MCRIP2: variants seen among roughly 807,000 people sequenced by gnomAD.
MCRIP2 encodes MAPK regulated corepressor interacting protein 2.
In MCRIP2, 21 loss-of-function variants were observed where a neutral mutation model predicts 23.2. That is an observed-to-expected ratio of 0.90 (90% confidence interval 0.64 to 1.30). The LOEUF (loss-of-function observed/expected upper bound fraction) is 1.30, where lower values mean the gene tolerates loss of function less well. Ranked by LOEUF, MCRIP2 falls within the 50% of genes most tolerant of loss-of-function variation. The probability of loss-of-function intolerance (pLI) is 0.00; values close to 1 mark genes in which losing one functional copy is unlikely to be tolerated. For synonymous variants in MCRIP2, 121 were observed against 100.2 expected, an observed-to-expected ratio of 1.21 and a Z score of -1.24; for missense variants, 234 against 223.2, an observed-to-expected ratio of 1.05 and a Z score of -0.31.
chr16:647,270 T>C (rs2037506950), intron 2 of MCRIP2, 147 bp from the exon 3 acceptor site: 16 of 1,119,910 alleles, frequency 1.4e-5, no homozygotes, highest in Non-Finnish European at 1.9e-5. Flanking sequence ...CCGGCTGCTG[T>C]GGGTGGCTGC....
In MCRIP2 at chr16:642,035, G is replaced by GCCGCA; in HGVS notation, c.46_50dup (p.Gly18AlafsTer17). The GCCGCA allele has an allele frequency of 7.6e-7, 1 of 1,322,884 alleles. No homozygotes were observed. The highest frequency in any genetic ancestry group is 9.6e-7 in the Non-Finnish European group (1 of 1,039,300). The allele number at this position is 1,322,884 out of a possible 1,614,324, so 81.9% of individuals were successfully genotyped here. On this transcript the variant is annotated frameshift_variant, in exon 1 of 5. Coordinates refer to ENST00000307650, the MANE Select transcript of MCRIP2 (RefSeq NM_138418.4). LOFTEE classifies it high-confidence loss of function. ...GGGCCCAGCAAGCTGGTCGCGCAGC[G>GCCGCA]CCGCACAGGTGCGCACGGGCCGGGG...
chr16:647,229 G>A (rs1337930916), intron 2 of MCRIP2, 188 bp from the exon 3 acceptor site: 2 of 681,846 alleles, frequency 2.9e-6, no homozygotes, highest in Admixed American at 5.6e-5. Flanking sequence ...AGCTGCCGAT[G>A]GCTTGGGGAC....
At chr16:644,292 G>C (rs1483950008) in intron 2 of MCRIP2, among the ~76,000 whole-genome samples, 1 of 151,914 alleles carries the variant, frequency 6.6e-6, no homozygotes, top group Non-Finnish European at 1.5e-5. Flanking sequence ...TGTTGGTCAG[G>C]CTGGTCTCAA....
chr16:648,400 T>G lies in MCRIP2; in HGVS notation c.*210T>G, dbSNP rs45598439. ...CCCGTCTGACCTCAGCCCTGCTCAC[T>G]GTGCCCAGGGACCAGCGACCAGCCC... On this transcript the variant is annotated 3_prime_UTR_variant, in exon 5 of 5. Coordinates refer to ENST00000307650, the MANE Select transcript of MCRIP2 (RefSeq NM_138418.4). 4.3e-3 allele frequency: 2,562 copies of G among 590,270 alleles called. 9 individuals are homozygous for G. Among genetic ancestry groups the G allele is most frequent in the Admixed American group, 7.1e-3 (240 of 33,800 alleles). 36.6% of individuals were successfully genotyped at this position (590,270 alleles called of 1,614,324 possible).
In MCRIP2 at chr16:641,946, G is replaced by A. The variant is rs1446840843; in HGVS notation, c.-46G>A. 6 of 1,288,768 alleles carry A rather than the reference G, an allele frequency of 4.7e-6. No homozygotes were observed. The highest frequency in any genetic ancestry group is 3.2e-5 in the East Asian group (1 of 31,064). 79.8% of individuals were successfully genotyped at this position (1,288,768 alleles called of 1,614,324 possible). ...CGTTAAGTGCGAGCCCCGGCGCAGG[G>A]GCCGGATCTGGCCGGGGGCCGGCGG... On this transcript the variant is annotated 5_prime_UTR_variant, in exon 1 of 5. Coordinates refer to ENST00000307650, the MANE Select transcript of MCRIP2 (RefSeq NM_138418.4).
chr16:648,020 C>G (rs1241723662), intron 4 of MCRIP2, 100 bp from the exon 5 acceptor site: 1 of 1,298,612 alleles, frequency 7.7e-7, no homozygotes, highest in South Asian at 1.4e-5. Context: ...CAGCGCCTGC[C>G]GCACTCGGAG....
At chr16:643,637 C>T (rs1204270135) in intron 2 of MCRIP2, among the ~76,000 whole-genome samples, 6 of 150,336 alleles carry the variant, frequency 4.0e-5, no homozygotes, top group East Asian at 2.0e-4. Context: ...CTCTGCCTCC[C>T]GGGTTCAAGC....
At position 642,437 on chromosome 16, in the gene MCRIP2, A is replaced by T. The variant is rs1160263560; in HGVS notation, c.182+188A>T. The T allele has an allele frequency of 2.1e-5, 9 of 419,490 alleles. No individual in the cohort carries two copies. In the South Asian group the frequency reaches 8.6e-4, roughly 40 times the overall value. The allele number at this position is 419,490 out of a possible 1,614,324, so 26.0% of individuals were successfully genotyped here. On this transcript the variant is annotated intron_variant, in intron 2 of 4. Transcript: ENST00000307650. Reference sequence around the variant, plus strand: ...ACGCGCCCGCGGGCCTGCGCCTCGCACTTCCGCCTCACCTGGCCGGGCCCG... The same window carrying T: ...ACGCGCCCGCGGGCCTGCGCCTCGCTCTTCCGCCTCACCTGGCCGGGCCCG...
intron 4 of MCRIP2, 76 bp downstream of exon 4, chr16:647,960 C>T (rs2037539861): frequency 8.3e-7 from 1 of 1,209,006 alleles, no homozygotes; most frequent in Non-Finnish European, 1.2e-6. Context: ...TGCCAGGTTC[C>T]CACCCCAGGG....
intron 2 of MCRIP2, chr16:647,077 G>C (rs2151104160): frequency 3.1e-6 from 1 of 321,910 alleles, no homozygotes; most frequent in Non-Finnish European, 5.8e-6. Context: ...ATGGGATGCA[G>C]GTGGCAGCAT....
chr16:642,093 C>T (rs1361415836), intron 1 of MCRIP2, 27 bp from the exon 2 acceptor site: 5 of 1,321,504 alleles, frequency 3.8e-6, no homozygotes, highest in Admixed American at 3.9e-5. Flanking sequence ...GGCGCGGCGG[C>T]GGCTGACCGC....
rs1331776638 is a variant in MCRIP2, at chr16:647,486, G to A, written c.252G>A (p.Glu84=). 1 of 1,613,138 alleles carries A rather than the reference G, an allele frequency of 6.2e-7. No homozygotes were observed. The highest frequency in any genetic ancestry group is 1.7e-5 in the Admixed American group (1 of 60,004). The change falls in exon 3 of 5, where the codon GAG becomes GAA. Residue 84 remains glutamate (E), a synonymous_variant. Coordinates refer to ENST00000307650, the MANE Select transcript of MCRIP2 (RefSeq NM_138418.4). Reference sequence around the variant, plus strand: ...CCCCCTCCACGTCCCCATCCTTCGAGGGGACCCAGGAGACCTACACAGTGG... The same window carrying A: ...CCCCCTCCACGTCCCCATCCTTCGAAGGGACCCAGGAGACCTACACAGTGG... ...RRAPSTSPSF[E]GTQETYTVAH... is the part of the protein sequence containing the mutation.
Position 647,511 on chromosome 16 carries a change from G to A in MCRIP2, c.277G>A (p.Ala93Thr), listed in dbSNP as rs1567210849. The A allele has an allele frequency of 6.2e-7, 1 of 1,613,412 alleles. No individual in the cohort carries two copies. The highest frequency in any genetic ancestry group is 8.5e-7 in the Non-Finnish European group (1 of 1,179,984). ...GGGGACCCAGGAGACCTACACAGTG[G>A]CCCACGAGGAGAATGTCCGCTTTGT... is the stretch of plus-strand genomic sequence containing the variant. Reference protein sequence around the residue: ...FEGTQETYTVAHEENVRFVSE... With the variant: ...FEGTQETYTVTHEENVRFVSE... Residue 93 changes from alanine to threonine, a missense_variant, in exon 3 of 5, where the codon GCC becomes ACC. Ala to Thr is a moderately conservative substitution (Grantham distance 58). Coordinates refer to ENST00000307650, the MANE Select transcript of MCRIP2 (RefSeq NM_138418.4).
At position 642,125 on chromosome 16, in the gene MCRIP2, A is replaced by G. The variant is rs559198569; in HGVS notation, c.58A>G (p.Thr20Ala). The G allele has an allele frequency of 1.2e-3, 1,610 of 1,367,220 alleles. 4 individuals are homozygous for G. The highest frequency in any genetic ancestry group is 1.5e-3 in the Admixed American group (48 of 31,958). 84.7% of individuals were successfully genotyped at this position (1,367,220 alleles called of 1,614,324 possible). The change falls in exon 2 of 5, where the codon ACG becomes GCG. Residue 20 changes from threonine to alanine, a missense_variant. Thr to Ala is a moderately conservative substitution (Grantham distance 58, BLOSUM62 0). Transcript: ENST00000307650. The stretch of plus-strand genomic sequence containing the variant: ...CCGCCCCCCGGTGCCCGCAGGTCCC[A>G]CGCAGCAGCAGGTGGAGGGCCGGCT... ...KLVAQRRTGP[T>A]QQQVEGRLGE... is the part of the protein sequence containing the mutation.
intron 3 of MCRIP2, 79 bp downstream of exon 3, chr16:647,623 T>C: frequency 6.3e-7 from 1 of 1,579,718 alleles, no homozygotes; most frequent in Non-Finnish European, 8.6e-7. Flanking sequence ...CACTTCAAGC[T>C]GACCCACAGC....
intron 3 of MCRIP2, 102 bp from the exon 4 acceptor site, chr16:647,681 G>T: frequency 6.6e-7 from 1 of 1,514,734 alleles, no homozygotes; most frequent in South Asian, 1.2e-5. Flanking sequence ...TGTGTCCTGT[G>T]ACCAGCCCTG....
rs995786268 is a variant in MCRIP2, at chr16:648,314, T to A, written c.*124T>A. On this transcript the variant is annotated 3_prime_UTR_variant, in exon 5 of 5. Transcript: ENST00000307650. Reference sequence around the variant, plus strand: ...ACCTGAAGTGCCAGCATTTGGACTTTTGCACCTTTTTTTCCCTTGGCCCGG... The same window carrying A: ...ACCTGAAGTGCCAGCATTTGGACTTATGCACCTTTTTTTCCCTTGGCCCGG... 1 of 1,010,342 alleles carries A rather than the reference T, an allele frequency of 9.9e-7. No homozygotes were observed. Among genetic ancestry groups the A allele is most frequent in the Admixed American group, 2.1e-5 (1 of 48,004 alleles). 62.6% of individuals were successfully genotyped at this position (1,010,342 alleles called of 1,614,324 possible).
chr16:641,937 C>T lies in MCRIP2; in HGVS notation c.-55C>T, dbSNP rs1008848973. ...CCCGCAGTCCGTTAAGTGCGAGCCCCGGCGCAGGGGCCGGATCTGGCCGGG... is the reference window on the plus strand; with the variant it reads ...CCCGCAGTCCGTTAAGTGCGAGCCCTGGCGCAGGGGCCGGATCTGGCCGGG... On this transcript the variant is annotated 5_prime_UTR_variant, in exon 1 of 5. Coordinates refer to ENST00000307650, the MANE Select transcript of MCRIP2 (RefSeq NM_138418.4). 3.1e-6 allele frequency: 4 copies of T among 1,275,236 alleles called. No homozygotes were observed. Among genetic ancestry groups the T allele is most frequent in the South Asian group, 5.0e-5 (2 of 40,398 alleles). The allele number at this position is 1,275,236 out of a possible 1,614,324, so 79.0% of individuals were successfully genotyped here. A position where few individuals can be genotyped will look rare whatever the true frequency, so the allele number is the denominator to read the frequency against.
chr16:642,682 G>A (rs1443047323), intron 2 of MCRIP2: 1 of 152,578 alleles, frequency 6.6e-6, no homozygotes, highest in African/African-American at 2.4e-5. Flanking sequence ...CCCTCGGGCA[G>A]GGCCGCTGCC....
Sources: allele counts gnomAD v4.1 joint callset (sites outside exome capture counted in the v4.1 genomes callset), GRCh38; gene constraint gnomAD v4.1.1; transcripts MANE v1.5; gene names NCBI Gene and HGNC (gene_info 2026-07-23, HGNC 2026-07-21).